The following PDE4D variants were observed in gnomAD, a reference collection of about 807,000 sequenced individuals.
The protein encoded by PDE4D is 3',5'-cyclic-AMP phosphodiesterase 4D.
Under a neutral mutation model 87.4 loss-of-function variants are expected in PDE4D, and 24 were observed. That is an observed-to-expected ratio of 0.27 (90% CI 0.20 to 0.39). The LOEUF (loss-of-function observed/expected upper bound fraction) is 0.39, where lower values mean the gene tolerates loss of function less well. PDE4D is among the 10% of genes least tolerant of loss of function. The pLI is 1.00. For synonymous variants in PDE4D, 384 were observed against 383.2 expected, an observed-to-expected ratio of 1.00 and a Z score of -0.02; for missense variants, 714 against 1,041.0, an observed-to-expected ratio of 0.69 and a Z score of 4.32.
At chr5:59,105,061 C>CCTCACATGT (rs1771370657) in intron 5 of PDE4D, among the ~76,000 whole-genome samples, 2 of 152,172 alleles carry the variant, frequency 1.3e-5, no homozygotes, top group Non-Finnish European at 2.9e-5. Context: ...AATCACCATC[C>CCTCACATGT]CTCACATGTG....
intron 1 of PDE4D, among the ~76,000 whole-genome samples, chr5:59,574,057 T>A (rs1822428237): frequency 3.2e-5 from 2 of 63,278 alleles, no homozygotes; most frequent in African/African-American, 1.3e-4. Context: ...TATTTATATA[T>A]AAAAATATAT....
chr5:60,008,564 T>C (rs1188731059), intron 2 of PDE4D, among the ~76,000 whole-genome samples: 1 of 151,972 alleles, frequency 6.6e-6, no homozygotes, highest in Non-Finnish European at 1.5e-5. Flanking sequence ...CTTCTCAAAG[T>C]TCTTAAAGTG....
chr5:60,130,598 T>C (rs140465044), intron 2 of PDE4D, among the ~76,000 whole-genome samples: 19 of 152,322 alleles, frequency 1.2e-4, no homozygotes, highest in African/African-American at 4.6e-4. Flanking sequence ...CAAGAGACTC[T>C]TAAAAACAGC....
At chr5:59,172,589 T>C (rs1324857518) in intron 5 of PDE4D, among the ~76,000 whole-genome samples, 2 of 151,256 alleles carry the variant, frequency 1.3e-5, no homozygotes, top group African/African-American at 4.9e-5. Flanking sequence ...ATGCCTGTAG[T>C]CCCAGCTACT....
chr5:60,443,317 G>C (rs1745388716), intron 1 of PDE4D, among the ~76,000 whole-genome samples: 1 of 152,082 alleles, frequency 6.6e-6, no homozygotes, highest in Non-Finnish European at 1.5e-5. Flanking sequence ...GAACGTTAAG[G>C]TATTCAACTA....
intron 1 of PDE4D, among the ~76,000 whole-genome samples, chr5:59,823,757 A>C (rs6869459): frequency 0.67 from 100,611 of 150,364 alleles, 35,088 homozygotes; most frequent in African/African-American, 0.87. Context: ...CCTCTCATAC[A>C]ACTCTCCTTC....
chr5:59,008,373 A>T (rs994414987), intron 6 of PDE4D, among the ~76,000 whole-genome samples: 5 of 152,044 alleles, frequency 3.3e-5, no homozygotes, highest in Non-Finnish European at 7.4e-5. Flanking sequence ...CTCCTAAAGT[A>T]ATAATAACTA....
chr5:60,237,929 G>C (rs761465666), intron 1 of PDE4D, among the ~76,000 whole-genome samples: 2 of 151,816 alleles, frequency 1.3e-5, no homozygotes, highest in Admixed American at 6.6e-5. Flanking sequence ...AAACAATTCC[G>C]TTAGATTTGA....
intron 1 of PDE4D, among the ~76,000 whole-genome samples, chr5:60,240,017 A>G (rs1746900400): frequency 6.6e-6 from 1 of 152,122 alleles, no homozygotes; most frequent in Non-Finnish European, 1.5e-5. Flanking sequence ...ATTATTTCCA[A>G]TATACTAGTA....
intron 1 of PDE4D, among the ~76,000 whole-genome samples, chr5:60,439,052 A>G (rs1744987917): frequency 1.3e-5 from 2 of 152,150 alleles, no homozygotes; most frequent in South Asian, 4.1e-4. Context: ...TATGTACATG[A>G]TATGACATAT....
intron 5 of PDE4D, among the ~76,000 whole-genome samples, chr5:59,161,997 G>T (rs577309877): frequency 1.1e-4 from 16 of 152,294 alleles, no homozygotes; most frequent in African/African-American, 3.8e-4. Flanking sequence ...TTCTTTGAAG[G>T]TCTGATTTGA....
Position 59,899,901 on chromosome 5 carries a change from T to G in PDE4D, c.272+88587A>C, listed in dbSNP as rs553531285. On this transcript the variant is annotated intron_variant, in intron 3 of 16. Coordinates refer to the PDE4D transcript ENST00000502484. ...ATGGTAAGGACTTTGGATTTCTGACTTGCATTCATATAGCTACAGATTGAT... is the reference window on the plus strand; with the variant it reads ...ATGGTAAGGACTTTGGATTTCTGACGTGCATTCATATAGCTACAGATTGAT... Among the ~76,000 whole-genome samples the G allele has an allele frequency of 1.3e-4, 20 of 152,286 alleles. No homozygotes were observed. The South Asian group carries it at 3.7e-3, about 28-fold the overall frequency.
intron 6 of PDE4D, chr5:58,999,649 T>A (rs1175086325): frequency 1.7e-6 from 2 of 1,145,034 alleles, no homozygotes; most frequent in East Asian, 4.4e-5. Flanking sequence ...ACGCAGAGTA[T>A]GAGTTTTTAA....
At chr5:59,573,992 T>A (rs1822329254) in intron 1 of PDE4D, among the ~76,000 whole-genome samples, 1 of 63,812 alleles carries the variant, frequency 1.6e-5, no homozygotes, top group Non-Finnish European at 3.0e-5. Flanking sequence ...AGGGAGACTC[T>A]GTCTCAAAAA....
intron 1 of PDE4D, among the ~76,000 whole-genome samples, chr5:59,633,955 A>T (rs974922479): frequency 6.6e-6 from 1 of 152,220 alleles, no homozygotes; most frequent in East Asian, 1.9e-4. Context: ...AACTAGACAG[A>T]GTCAAGACCC....
chr5:59,768,166 A>C, intron 1 of PDE4D: 1 of 1,520,860 alleles, frequency 6.6e-7, no homozygotes, highest in Non-Finnish European at 8.9e-7. Context: ...CTCCCTCCCT[A>C]CCCCCAAAAT....
At chr5:59,902,743 G>A (rs1256456062) in intron 3 of PDE4D, among the ~76,000 whole-genome samples, 1 of 152,146 alleles carries the variant, frequency 6.6e-6, no homozygotes, top group African/African-American at 2.4e-5. Flanking sequence ...GATAGGAAGA[G>A]GCAGTAAGCC....
intron 3 of PDE4D, among the ~76,000 whole-genome samples, chr5:59,910,561 A>G (rs778613818): frequency 9.2e-5 from 14 of 152,224 alleles, no homozygotes; most frequent in Non-Finnish European, 1.9e-4. Context: ...TTGTATGAAA[A>G]TCTTGTTGGC....
intron 1 of PDE4D, among the ~76,000 whole-genome samples, chr5:60,305,036 T>TACACAC (rs1491102237): frequency 1.0e-5 from 1 of 99,618 alleles, no homozygotes; most frequent in African/African-American, 4.6e-5. Flanking sequence ...AGTTTTGAGC[T>TACACAC]ATACACACAC....
Sources: gnomAD v4.1 joint callset for allele counts (sites outside exome capture counted in the v4.1 genomes callset) on GRCh38, gnomAD v4.1.1 for gene constraint, MANE v1.5 for transcripts, NCBI Gene and HGNC (gene_info 2026-07-23, HGNC 2026-07-21) for gene names.